Variants in PSEN1 observed in about 807,000 individuals in gnomAD.
The protein encoded by PSEN1 is presenilin-1.
A neutral mutation model predicts 53.5 loss-of-function variants in PSEN1; 15 were observed. The observed-to-expected ratio is 0.28, with a 90% confidence interval of 0.19 to 0.43. The LOEUF (loss-of-function observed/expected upper bound fraction) is 0.43, where lower values mean the gene tolerates loss of function less well. Ranked by LOEUF, PSEN1 falls within the 20% of genes least tolerant of loss-of-function variation. The pLI is 1.00. For missense variants in PSEN1, 387 were observed against 571.2 expected (o/e 0.68, Z 3.29); for synonymous variants, 208 against 209.8 (o/e 0.99, Z 0.08).
intron 7 of PSEN1, chr14:73,197,760 C>T (rs1413111459): frequency 9.0e-6 from 4 of 443,812 alleles, no homozygotes; most frequent in Non-Finnish European, 1.7e-5. Context: ...GTTCCTATAC[C>T]CCAGTAACGA....
At chr14:73,146,939 GC>G (rs924275022) in intron 1 of PSEN1, among the ~76,000 whole-genome samples, 3 of 152,012 alleles carry the variant, frequency 2.0e-5, no homozygotes, top group Non-Finnish European at 2.9e-5. Context: ...TGGGAATGTG[GC>G]CCCCCTAGGA....
At chr14:73,168,762 C>A (rs534234017) in intron 3 of PSEN1, 1 of 152,440 alleles carries the variant, frequency 6.6e-6, no homozygotes, top group Admixed American at 6.5e-5. Flanking sequence ...TGGAAGAGAA[C>A]CTGGGTGCCA....
rs1241600180 is a variant in PSEN1, at chr14:73,213,504, G to A, written c.1129+1562G>A. On this transcript the variant is annotated intron_variant, in intron 10 of 11. Transcript: ENST00000324501. Reference sequence around the variant, plus strand: ...AAGCCAATGCAAAGTAATAACGGACGTGCTTCATCATCTTAGCATTCAGCA... The same window carrying A: ...AAGCCAATGCAAAGTAATAACGGACATGCTTCATCATCTTAGCATTCAGCA... 7.2e-5 allele frequency among the ~76,000 whole-genome samples: 11 copies of A among 152,082 alleles called. No individual in the cohort carries two copies. The East Asian group carries it at 1.2e-3, about 16-fold the overall frequency.
intron 3 of PSEN1, chr14:73,169,465 A>T (rs1006856735): frequency 1.3e-5 from 2 of 152,170 alleles, no homozygotes; most frequent in Non-Finnish European, 2.9e-5. Context: ...CCTATTGGTA[A>T]CTGCCATTGG....
chr14:73,202,433 TATATATATATATATA>T (rs1899236584), intron 8 of PSEN1, among the ~76,000 whole-genome samples: 1 of 12,714 alleles, frequency 7.9e-5, no homozygotes, highest in African/African-American at 3.9e-4. Context: ...TATATATATA[TATATATATATATATA>T]TATATATATA....
chr14:73,178,886 G>T (rs1305504332), intron 5 of PSEN1, among the ~76,000 whole-genome samples: 1 of 152,104 alleles, frequency 6.6e-6, no homozygotes, highest in African/African-American at 2.4e-5. Context: ...GCTCAGATCT[G>T]CCCCATGTAT....
chr14:73,170,292 ACCT>A (rs1434921836), intron 3 of PSEN1, among the ~76,000 whole-genome samples: 2 of 151,976 alleles, frequency 1.3e-5, no homozygotes, highest in African/African-American at 4.8e-5. Flanking sequence ...AGAGTACCTA[ACCT>A]CCTGCAAATG....
intron 11 of PSEN1, among the ~76,000 whole-genome samples, chr14:73,217,790 CTA>C (rs1899973726): frequency 1.4e-5 from 2 of 146,150 alleles, no homozygotes; most frequent in African/African-American, 2.6e-5. Context: ...GCTTTCAAAA[CTA>C]TGATTTTTTT....
intron 4 of PSEN1, among the ~76,000 whole-genome samples, chr14:73,171,332 G>A (rs1204832293): frequency 6.6e-6 from 1 of 152,190 alleles, no homozygotes; most frequent in African/African-American, 2.4e-5. Flanking sequence ...GGGCCATTGG[G>A]CGCCCATTGC....
chr14:73,205,794 T>C (rs368867688), intron 8 of PSEN1, among the ~76,000 whole-genome samples: 33 of 152,356 alleles, frequency 2.2e-4, no homozygotes, highest in African/African-American at 7.9e-4. Context: ...GTGGTAGAGA[T>C]GCACATGTGT....
chr14:73,137,890 A>G (rs1046105982), intron 1 of PSEN1, among the ~76,000 whole-genome samples: 2 of 152,060 alleles, frequency 1.3e-5, no homozygotes, highest in African/African-American at 4.8e-5. Context: ...AGACCAGACA[A>G]CACGGCGAAA....
chr14:73,148,230 T>C lies in PSEN1; in HGVS notation c.87+124T>C. 3 of 790,126 alleles carry C rather than the reference T, an allele frequency of 3.8e-6. No homozygotes were observed. In the South Asian group the frequency reaches 4.4e-5, roughly 12 times the overall value. 48.9% of individuals were successfully genotyped at this position (790,126 alleles called of 1,614,324 possible). On this transcript the variant is annotated intron_variant, in intron 3 of 11. Transcript: ENST00000324501. ...CTACTTTACCACATTTATAATATAT[T>C]TGGTGAACTTCAGCTGATTGCTGGA...
intron 10 of PSEN1, among the ~76,000 whole-genome samples, chr14:73,216,070 G>A (rs987210655): frequency 3.9e-5 from 6 of 152,122 alleles, no homozygotes; most frequent in African/African-American, 1.4e-4. Context: ...ACTGGTAAAT[G>A]GATAAGCAAA....
chr14:73,210,877 A>G (rs920876493), intron 9 of PSEN1, among the ~76,000 whole-genome samples: 7 of 152,178 alleles, frequency 4.6e-5, no homozygotes, highest in Admixed American at 1.3e-4. Flanking sequence ...CTTCACTTAT[A>G]TATTTTAATT....
In PSEN1 at chr14:73,220,436, C is replaced by T. The variant is rs165935; in HGVS notation, c.*1147C>T. 94,078 of 152,500 alleles carry T rather than the reference C, an allele frequency of 0.62. 29,632 individuals carry two copies. The highest frequency in any genetic ancestry group is 0.73 in the African/African-American group (30,253 of 41,474). 9.4% of individuals were successfully genotyped at this position (152,500 alleles called of 1,614,324 possible). Reference sequence around the variant, plus strand: ...CCTGGTATTTTGTTTTTGCTTTTGCCACACAGTAGCTCAGAATTTGAACAA... The same window carrying T: ...CCTGGTATTTTGTTTTTGCTTTTGCTACACAGTAGCTCAGAATTTGAACAA... On this transcript the variant is annotated 3_prime_UTR_variant, in exon 12 of 12. Transcript: ENST00000324501.
intron 8 of PSEN1, chr14:73,206,026 T>C (rs1899440077): frequency 3.9e-6 from 1 of 257,730 alleles, no homozygotes; most frequent in Admixed American, 5.0e-5. Flanking sequence ...TCTGAGGCTT[T>C]TGTGAGCTCC....
chr14:73,223,242 C>T lies in PSEN1; in HGVS notation c.*3953C>T, dbSNP rs1245101864. On this transcript the variant is annotated 3_prime_UTR_variant, in exon 12 of 12. Transcript: ENST00000324501. ...TGCTGAAATGAACCCCTTTCTTGAA[C>T]ATCAAAGCTGTCTCCCACAGCCTTG... 2.0e-5 allele frequency: 3 copies of T among 152,232 alleles called. No individual in the cohort carries two copies. The highest frequency in any genetic ancestry group is 4.8e-5 in the African/African-American group (2 of 41,456). 9.4% of individuals were successfully genotyped at this position (152,232 alleles called of 1,614,324 possible).
intron 9 of PSEN1, among the ~76,000 whole-genome samples, chr14:73,209,186 T>G (rs867228060): frequency 6.6e-6 from 1 of 152,194 alleles, no homozygotes; most frequent in East Asian, 1.9e-4. Context: ...AGTGCGGGAC[T>G]TCTGCCCCAC....
intron 3 of PSEN1, among the ~76,000 whole-genome samples, chr14:73,152,647 G>C (rs912718286): frequency 1.3e-5 from 2 of 152,030 alleles, no homozygotes; most frequent in Non-Finnish European, 2.9e-5. Flanking sequence ...GGTAGCATGA[G>C]ATCTTTGAGA....
Sources: gnomAD v4.1 joint callset for allele counts (sites outside exome capture counted in the v4.1 genomes callset) on GRCh38, gnomAD v4.1.1 for gene constraint, MANE v1.5 for transcripts, NCBI Gene and HGNC (gene_info 2026-07-23, HGNC 2026-07-21) for gene names.